FAM110C: variants seen among roughly 807,000 people sequenced by gnomAD.
The protein encoded by FAM110C is family with sequence similarity 110 member C.
Under a neutral mutation model 15.7 loss-of-function variants are expected in FAM110C, and 19 were observed. The observed-to-expected ratio is 1.21, with a 90% confidence interval of 0.85 to 1.78. The LOEUF (loss-of-function observed/expected upper bound fraction) is 1.78. Among genes scored for constraint, FAM110C ranks in the 40% most tolerant of loss-of-function variants. The pLI, the probability that FAM110C is intolerant of heterozygous loss-of-function variation, is 0.00. For synonymous variants in FAM110C, 275 were observed against 233.9 expected, an observed-to-expected ratio of 1.18 and a Z score of -1.61; for missense variants, 547 against 495.7, an observed-to-expected ratio of 1.10 and a Z score of -0.98.
In FAM110C at chr2:41,412, A is replaced by G; in HGVS notation, c.*196T>C. On this transcript the variant is annotated 3_prime_UTR_variant, in exon 2 of 2. Transcript: ENST00000327669. ...CAAGGAAGACACCTCTTGGAGTTTC[A>G]GCTGTTACAACTCAGCTAAATTTCA... The G allele has an allele frequency of 2.0e-6, 1 of 510,116 alleles. No homozygotes were observed. 31.6% of individuals were successfully genotyped at this position (510,116 alleles called of 1,614,324 possible).
In FAM110C at chr2:45,617, C is replaced by G. The variant is rs200087866; in HGVS notation, c.769G>C (p.Gly257Arg). The change falls in exon 1 of 2, where the codon GGC (glycine) becomes CGC (arginine). Residue 257 changes from glycine to arginine, a missense_variant. Transcript: ENST00000327669. ...CCGCTGTGCCGGGAGAAGCCGCTGC[C>G]GGAGGTGGCGACGCTCACGCTGCGC... The part of the protein sequence containing the change: ...KVRSVSVATS[G>R]SGFSRHSGGD... The G allele has an allele frequency of 6.2e-7, 1 of 1,613,272 alleles. No homozygotes were observed. Among genetic ancestry groups the G allele is most frequent in the Non-Finnish European group, 8.5e-7 (1 of 1,179,852 alleles).
chr2:45,662 C>A lies in FAM110C; in HGVS notation c.724G>T (p.Asp242Tyr), dbSNP rs1434271096. Residue 242 changes from aspartate to tyrosine, a missense_variant, in exon 1 of 2, where the codon GAC becomes TAC. Asp to Tyr is a radical substitution (Grantham distance 160, BLOSUM62 -3). Transcript: ENST00000327669. ...LGRENFTAGS[D>Y]CVTLKVRSVS... ...CTGCGCACCTTGAGGGTCACACAGTCCGACCCCGCGGTGAAGTTCTCCCTC... is the reference window on the plus strand; with the variant it reads ...CTGCGCACCTTGAGGGTCACACAGTACGACCCCGCGGTGAAGTTCTCCCTC... The A allele has an allele frequency of 1.9e-6, 3 of 1,609,982 alleles. No homozygotes were observed. Among genetic ancestry groups the A allele is most frequent in the Admixed American group, 1.7e-5 (1 of 59,540 alleles).
rs372270840 is a variant in FAM110C, at chr2:45,719, C to T, written c.667G>A (p.Gly223Ser). 1.2e-6 allele frequency: 2 copies of T among 1,601,458 alleles called. No individual in the cohort carries two copies. Among genetic ancestry groups the T allele is most frequent in the Non-Finnish European group, 1.7e-6 (2 of 1,175,182 alleles). Residue 223 changes from glycine (G) to serine (S), a missense_variant, in exon 1 of 2, where the codon GGC becomes AGC. Physicochemically the swap from Gly to Ser is moderately conservative, Grantham distance 56. Coordinates refer to ENST00000327669, the MANE Select transcript of FAM110C (RefSeq NM_001077710.3). ...AESDTFFQYC[G>S]LDPEVVEALG... is the part of the protein sequence containing the mutation. ...GCCTCCACCACCTCGGGGTCCAGGC[C>T]GCAGTACTGGAAGAAGGTGTCAGAC...
At chr2:42,817 G>A (rs567608763) in intron 1 of FAM110C, 33 of 984,940 alleles carry the variant, frequency 3.4e-5, no homozygotes, top group African/African-American at 2.6e-4. Flanking sequence ...ACCTTTGTTC[G>A]TCTCAAGTTT....
At chr2:41,840 T>C (rs1664132974) in intron 1 of FAM110C, 9 of 985,410 alleles carry the variant, frequency 9.1e-6, no homozygotes, top group Non-Finnish European at 9.6e-6. Context: ...GCAGAACAAA[T>C]TCCATCTCCC....
At position 45,576 on chromosome 2, in the gene FAM110C, C is replaced by A; in HGVS notation, c.810G>T (p.Gly270=). 2 of 1,613,338 alleles carry A rather than the reference C, an allele frequency of 1.2e-6. No homozygotes were observed. Among genetic ancestry groups the A allele is most frequent in the Non-Finnish European group, 1.7e-6 (2 of 1,179,980 alleles). Reference sequence around the variant, plus strand: ...GCTCTATCAGCTCCTCCTCCTGCAGCCCCTCGTCGTCGCCGCCGCTGTGCC... The same window carrying A: ...GCTCTATCAGCTCCTCCTCCTGCAGACCCTCGTCGTCGCCGCCGCTGTGCC... The part of the protein sequence containing the change: ...FSRHSGGDDE[G]LQEEELIEQV... Residue 270 remains glycine, a synonymous_variant, in exon 1 of 2, where the codon GGG becomes GGT. Transcript: ENST00000327669.
intron 1 of FAM110C, chr2:44,214 A>T: frequency 1.0e-6 from 1 of 985,352 alleles, no homozygotes; most frequent in South Asian, 4.7e-5. Context: ...AACTTAGGCT[A>T]GTGGAAAACA....
rs772006823 is a variant in FAM110C, at chr2:40,527, T to A, written c.*1081A>T. 6.6e-6 allele frequency: 1 copy of A among 152,206 alleles called. No individual in the cohort carries two copies. The highest frequency in any genetic ancestry group is 1.5e-5 in the Non-Finnish European group (1 of 68,046). 9.4% of individuals were successfully genotyped at this position (152,206 alleles called of 1,614,324 possible). On this transcript the variant is annotated 3_prime_UTR_variant, in exon 2 of 2. Coordinates refer to ENST00000327669, the MANE Select transcript of FAM110C (RefSeq NM_001077710.3). ...TTCACTCTGGGTGTCATAAGCAAGT[T>A]CAGAATTAGGGACCCAGTAACCCCC...
chr2:44,718 G>A (rs1037836836), intron 1 of FAM110C: 1 of 985,240 alleles, frequency 1.0e-6, no homozygotes, highest in Non-Finnish European at 1.2e-6. Context: ...TTGTCCAAAG[G>A]GAGGTTACTT....
chr2:41,718 G>T, intron 1 of FAM110C, 91 bp from the exon 2 acceptor site: 1 of 1,472,286 alleles, frequency 6.8e-7, no homozygotes, highest in Non-Finnish European at 9.0e-7. Context: ...TCTGGTCCCT[G>T]TAGTTTTTGT....
At chr2:41,727 G>T in intron 1 of FAM110C, 100 bp from the exon 2 acceptor site, 1 of 1,446,640 alleles carries the variant, frequency 6.9e-7, no homozygotes, top group Non-Finnish European at 9.1e-7. Context: ...TGTAGTTTTT[G>T]TTTTCTGACA....
chr2:41,658 AC>A, intron 1 of FAM110C, 31 bp from the exon 2 acceptor site: 1 of 1,612,460 alleles, frequency 6.2e-7, no homozygotes, highest in East Asian at 2.2e-5. Flanking sequence ...TAGTGAATCA[AC>A]TCCAGTCTAG....
In FAM110C at chr2:45,875, C is replaced by A; in HGVS notation, c.511G>T (p.Ala171Ser). 1 of 1,462,820 alleles carries A rather than the reference C, an allele frequency of 6.8e-7. No homozygotes were observed. The highest frequency in any genetic ancestry group is 8.9e-7 in the Non-Finnish European group (1 of 1,119,946). 90.6% of individuals were successfully genotyped at this position (1,462,820 alleles called of 1,614,324 possible). A position where few individuals can be genotyped will look rare whatever the true frequency, so the allele number is the denominator to read the frequency against. ...DPAIPETPAP[A>S]ARSAAPSSVP... ...CTGGAGGGCGCCGCGGACCGCGCGG[C>A]TGGGGCTGGGGTCTCGGGGATTGCG... The change falls in exon 1 of 2, where the codon GCC becomes TCC. Residue 171 changes from alanine (A) to serine (S), a missense_variant. Transcript: ENST00000327669.
Position 41,069 on chromosome 2 carries a change from C to T in FAM110C, c.*539G>A, listed in dbSNP as rs976594695. The T allele has an allele frequency of 6.6e-6, 1 of 152,200 alleles. No homozygotes were observed. Among genetic ancestry groups the T allele is most frequent in the Non-Finnish European group, 1.5e-5 (1 of 68,132 alleles). The allele number at this position is 152,200 out of a possible 1,614,324, so 9.4% of individuals were successfully genotyped here. A position where few individuals can be genotyped will look rare whatever the true frequency, so the allele number is the denominator to read the frequency against. ...TGGGAATTAACCGTAATTTATAGTG[C>T]AGTAATGCTCTGGCAATTGGGGTCA... On this transcript the variant is annotated 3_prime_UTR_variant, in exon 2 of 2. Transcript: ENST00000327669.
chr2:45,836 G>A lies in FAM110C; in HGVS notation c.550C>T (p.Pro184Ser), dbSNP rs766530151. Residue 184 changes from proline to serine, a missense_variant, in exon 1 of 2, where the codon CCC (proline) becomes TCC (serine). Transcript: ENST00000327669. Reference protein sequence around the residue: ...SAAPSSVPAAPPGPEPRVVRR... With the variant: ...SAAPSSVPAASPGPEPRVVRR... Reference sequence around the variant, plus strand: ...ACCACCCGCGGCTCTGGCCCAGGGGGCGCGGCCGGGACACTGGAGGGCGCC... The same window carrying A: ...ACCACCCGCGGCTCTGGCCCAGGGGACGCGGCCGGGACACTGGAGGGCGCC... 3 of 1,538,726 alleles carry A rather than the reference G, an allele frequency of 1.9e-6. No individual in the cohort carries two copies. The highest frequency in any genetic ancestry group is 2.0e-5 in the Admixed American group (1 of 50,978).
intron 1 of FAM110C, chr2:43,771 A>G (rs1261527589): frequency 1.0e-6 from 1 of 985,382 alleles, no homozygotes; most frequent in South Asian, 4.7e-5. Context: ...TGCACATGCT[A>G]TGGCTACCTG....
chr2:41,922 C>A (rs1664135373), intron 1 of FAM110C: 11 of 985,268 alleles, frequency 1.1e-5, no homozygotes, highest in Non-Finnish European at 1.3e-5. Flanking sequence ...AAGAAAATTT[C>A]TTTACATGTT....
In FAM110C at chr2:45,799, C is replaced by G. The variant is rs199639956; in HGVS notation, c.587G>C (p.Gly196Ala). 4.8e-5 allele frequency: 74 copies of G among 1,553,388 alleles called. No individual in the cohort carries two copies. The Admixed American group carries it at 1.1e-3, about 24-fold the overall frequency. ...GPEPRVVRRR[G>A]LQRSQSDLSS... is the part of the protein sequence containing the mutation. ...GAGGTCCGACTGTGAGCGCTGCAGC[C>G]CCCGACGCCTCACCACCCGCGGCTC... The change falls in exon 1 of 2, where the codon GGG (glycine) becomes GCG (alanine). Residue 196 changes from glycine (G) to alanine (A), a missense_variant. Physicochemically the swap from Gly to Ala is moderately conservative, Grantham distance 60. Transcript: ENST00000327669.
intron 1 of FAM110C, chr2:43,295 C>G (rs1664176860): frequency 1.0e-6 from 1 of 985,226 alleles, no homozygotes; most frequent in Non-Finnish European, 1.2e-6. Flanking sequence ...GGACTGTACC[C>G]CTGCTCTGAG....
Sources: allele counts gnomAD v4.1 joint callset, GRCh38; gene constraint gnomAD v4.1.1; transcripts MANE v1.5; gene names NCBI Gene and HGNC (gene_info 2026-07-23, HGNC 2026-07-21).